TCF4: variants seen among roughly 807,000 people sequenced by gnomAD.
TCF4 encodes the protein SL3-3 enhancer factor 2.
In TCF4, 3 loss-of-function variants were observed where a neutral mutation model predicts 82.1. The observed-to-expected ratio is 0.04, with a 90% CI of 0.02 to 0.09. The LOEUF is 0.09. Ranked by LOEUF, TCF4 falls within the 10% of genes least tolerant of loss-of-function variation. The probability of loss-of-function intolerance (pLI) is 1.00; values close to 1 mark genes in which losing one functional copy is unlikely to be tolerated. For synonymous variants in TCF4, 276 were observed against 309.6 expected, an observed-to-expected ratio of 0.89 and a Z score of 1.14; for missense variants, 518 against 852.7, an observed-to-expected ratio of 0.61 and a Z score of 4.89.
At chr18:55,309,502 T>C (rs1336043893) in intron 8 of TCF4, among the ~76,000 whole-genome samples, 1 of 152,238 alleles carries the variant, frequency 6.6e-6, no homozygotes, top group Non-Finnish European at 1.5e-5. Flanking sequence ...AATGGGATGA[T>C]GACTCCTGCA....
intron 2 of TCF4, among the ~76,000 whole-genome samples, chr18:55,611,664 A>T (rs956402062): frequency 2.0e-5 from 3 of 152,272 alleles, no homozygotes; most frequent in Admixed American, 1.3e-4. Context: ...TACATTGAAA[A>T]AGTAAAAATA....
intron 3 of TCF4, among the ~76,000 whole-genome samples, chr18:55,549,397 A>C (rs2097238234): frequency 6.6e-6 from 1 of 152,214 alleles, no homozygotes; most frequent in African/African-American, 2.4e-5. Context: ...AACTCTTGTA[A>C]AACTTTTTGA....
intron 8 of TCF4, among the ~76,000 whole-genome samples, chr18:55,292,697 T>C (rs1481430356): frequency 2.6e-5 from 1 of 38,320 alleles, no homozygotes; most frequent in Non-Finnish European, 4.6e-5. Context: ...TAGACATGAA[T>C]GTGTGTGTGT....
At chr18:55,365,454 C>T (rs1256069289) in intron 6 of TCF4, among the ~76,000 whole-genome samples, 2 of 151,766 alleles carry the variant, frequency 1.3e-5, no homozygotes, top group East Asian at 3.9e-4. Flanking sequence ...GGGTCAATTC[C>T]ACAAAGCAGA....
At chr18:55,285,278 C>T (rs753166095) in intron 8 of TCF4, among the ~76,000 whole-genome samples, 11 of 152,160 alleles carry the variant, frequency 7.2e-5, no homozygotes, top group African/African-American at 1.9e-4. Flanking sequence ...CAATTCCTTG[C>T]GAGGACATAA....
At chr18:55,446,191 G>A (rs1031238933) in intron 5 of TCF4, among the ~76,000 whole-genome samples, 1 of 152,150 alleles carries the variant, frequency 6.6e-6, no homozygotes, top group Non-Finnish European at 1.5e-5. Context: ...CAGCTTGCAA[G>A]AAAGAAATGC....
intron 11 of TCF4, among the ~76,000 whole-genome samples, chr18:55,264,106 A>C (rs550820928): frequency 1.8e-4 from 28 of 152,294 alleles, no homozygotes; most frequent in African/African-American, 6.3e-4. Context: ...CACACGTTAG[A>C]AGAGGCAAGA....
chr18:55,521,769 G>A (rs149658458), intron 3 of TCF4, among the ~76,000 whole-genome samples: 241 of 152,278 alleles, frequency 1.6e-3, no homozygotes, highest in African/African-American at 5.5e-3. Context: ...CTTAAGACAC[G>A]AGTCCTCAGG....
intron 6 of TCF4, chr18:55,401,128 T>TA (rs2146423213): frequency 1.6e-6 from 2 of 1,288,490 alleles, no homozygotes; most frequent in Admixed American, 2.3e-5. Flanking sequence ...CAAATAACAA[T>TA]ACGGCACAAG....
chr18:55,307,358 C>T lies in TCF4; in HGVS notation c.550-27702G>A, dbSNP rs548397403. ...AAAGTAAACCCAAACGTCAATGGTA[C>T]GCTGGCTTCTATTTTATATTAATTA... On this transcript the variant is annotated intron_variant, in intron 8 of 19. Coordinates refer to ENST00000354452, the MANE Select transcript of TCF4 (RefSeq NM_001083962.2). 7.9e-5 allele frequency among the ~76,000 whole-genome samples: 12 copies of T among 152,262 alleles called. No individual in the cohort carries two copies. In the South Asian group the frequency reaches 2.1e-3, roughly 26 times the overall value.
intron 5 of TCF4, among the ~76,000 whole-genome samples, chr18:55,439,063 G>A (rs1219039558): frequency 6.6e-6 from 1 of 152,152 alleles, no homozygotes; most frequent in Non-Finnish European, 1.5e-5. Context: ...CACCAGGGCG[G>A]GGCAGTGGTT....
At chr18:55,505,920 G>A (rs189085777) in intron 3 of TCF4, among the ~76,000 whole-genome samples, 13 of 152,214 alleles carry the variant, frequency 8.5e-5, no homozygotes, top group African/African-American at 3.1e-4. Context: ...CAGTATAGGA[G>A]TGGGTTTAAT....
At chr18:55,481,318 C>T (rs1398637087) in intron 3 of TCF4, among the ~76,000 whole-genome samples, 1 of 152,040 alleles carries the variant, frequency 6.6e-6, no homozygotes, top group Non-Finnish European at 1.5e-5. Context: ...GGCTTTTATT[C>T]TTTGAAAAAG....
intron 5 of TCF4, among the ~76,000 whole-genome samples, chr18:55,416,607 A>C (rs911456913): frequency 1.3e-5 from 2 of 152,238 alleles, no homozygotes; most frequent in Non-Finnish European, 2.9e-5. Flanking sequence ...GAGAGAACTT[A>C]ATTTATAGAA....
At chr18:55,237,897 C>T (rs903018803) in intron 15 of TCF4, among the ~76,000 whole-genome samples, 1 of 152,210 alleles carries the variant, frequency 6.6e-6, no homozygotes, top group Non-Finnish European at 1.5e-5. Flanking sequence ...AGGGAAGAAA[C>T]ACAGTGGACT....
intron 8 of TCF4, among the ~76,000 whole-genome samples, chr18:55,342,454 A>T: frequency 6.6e-6 from 1 of 152,138 alleles, no homozygotes; most frequent in East Asian, 1.9e-4. Context: ...CAGAATTTCG[A>T]ATTTATTTTA....
rs1272363 is a variant in TCF4 at position 55,223,710 on chromosome 18, T to C, written c.*4325A>G. 1.3e-4 allele frequency: 11 copies of C among 87,744 alleles called. No homozygotes were observed. The highest frequency in any genetic ancestry group is 1.2e-4 in the Non-Finnish European group (5 of 41,894). 5.4% of individuals were successfully genotyped at this position (87,744 alleles called of 1,614,324 possible). On this transcript the variant is annotated 3_prime_UTR_variant, in exon 20 of 20. Coordinates refer to ENST00000354452, the MANE Select transcript of TCF4 (RefSeq NM_001083962.2). ...TTTTTTTTTTTTGAAATGTTTTCCC[T>C]TTTTTTTTTTTTAACAATTTTTTTA...
At chr18:55,585,982 G>A in intron 2 of TCF4, 2 of 1,329,624 alleles carry the variant, frequency 1.5e-6, no homozygotes, top group Non-Finnish European at 1.9e-6. Context: ...CCTTCCCTGA[G>A]TCAGAGCCTG....
chr18:55,578,935 T>C (rs1409808845), intron 3 of TCF4, among the ~76,000 whole-genome samples: 1 of 152,018 alleles, frequency 6.6e-6, no homozygotes, highest in Non-Finnish European at 1.5e-5. Flanking sequence ...AAATACTTTC[T>C]TACAGCCCTG....
Sources: allele counts gnomAD v4.1 joint callset (sites outside exome capture counted in the v4.1 genomes callset), GRCh38; gene constraint gnomAD v4.1.1; transcripts MANE v1.5; gene names NCBI Gene and HGNC (gene_info 2026-07-23, HGNC 2026-07-21).